The following MOV10 variants were observed in gnomAD, a reference collection of about 807,000 sequenced individuals.
MOV10 encodes the protein RNA helicase MOV-10.
MOV10 carries 39 observed loss-of-function variants against 108.4 expected under a neutral mutation model. That is an observed-to-expected ratio of 0.36 (90% CI 0.28 to 0.47). The LOEUF is 0.47. Among genes scored for constraint, MOV10 ranks in the 20% least tolerant of loss-of-function variants. The probability of loss-of-function intolerance (pLI) is 1.00; values close to 1 mark genes in which losing one functional copy is unlikely to be tolerated. For missense variants in MOV10, 952 were observed against 1,297.6 expected (o/e 0.73, Z 4.09); for synonymous variants, 490 against 523.1 (o/e 0.94, Z 0.86).
intron 2 of MOV10, among the ~76,000 whole-genome samples, chr1:112,676,621 T>G (rs1672218662): frequency 6.6e-6 from 1 of 151,400 alleles, no homozygotes; most frequent in Non-Finnish European, 1.5e-5. Context: ...CTAAGAGGAG[T>G]CATAAAGAGT....
chr1:112,698,034 T>C lies in MOV10; in HGVS notation c.2239T>C (p.Tyr747His). The C allele has an allele frequency of 1.9e-6, 3 of 1,614,176 alleles. No homozygotes were observed. The highest frequency in any genetic ancestry group is 2.5e-6 in the Non-Finnish European group (3 of 1,180,018). ...CCTGGACATTCCTAACCAGCTCTAT[T>C]ATGAAGGGGAGCTGCAGGCCTGTGC... ...TILDIPNQLY[Y>H]EGELQACADV... Residue 747 changes from tyrosine to histidine, a missense_variant, in exon 15 of 21, where the codon TAT becomes CAT. This residue lies in a region of MOV10 where 453 missense variants were observed against 611.5 expected (regional missense o/e 0.74). Coordinates refer to ENST00000369645, the MANE Select transcript of MOV10 (RefSeq NM_001321324.2).
Position 112,698,099 on chromosome 1 carries a change from C to T in MOV10, c.2304C>T (p.Gly768=), listed in dbSNP as rs992595522. The T allele has an allele frequency of 1.2e-6, 2 of 1,614,004 alleles. No homozygotes were observed. The highest frequency in any genetic ancestry group is 1.7e-4 in the Middle Eastern group (1 of 6,054). The part of the protein sequence containing the change: ...VDRERFCRWA[G]LPRQGFPIIF... Reference sequence around the variant, plus strand: ...GAGAACGCTTCTGCCGCTGGGCGGGCCTACCTCGACAGGTGAGGCTGAGCA... The same window carrying T: ...GAGAACGCTTCTGCCGCTGGGCGGGTCTACCTCGACAGGTGAGGCTGAGCA... The change falls in exon 15 of 21, where the codon GGC becomes GGT. Residue 768 remains glycine (G), a synonymous_variant. Transcript: ENST00000369645.
intron 5 of MOV10, 151 bp downstream of exon 5, chr1:112,690,249 G>A: frequency 2.0e-6 from 2 of 1,000,378 alleles, no homozygotes; most frequent in Non-Finnish European, 2.9e-6. Context: ...TGTCAAGGAA[G>A]AAAGTTGCAG....
At chr1:112,679,065 A>G (rs1399556816) in intron 2 of MOV10, among the ~76,000 whole-genome samples, 1 of 152,118 alleles carries the variant, frequency 6.6e-6, no homozygotes, top group Non-Finnish European at 1.5e-5. Flanking sequence ...CATAGTCTAT[A>G]GATTGTGAAA....
chr1:112,694,678 A>C lies in MOV10; in HGVS notation c.1472+49A>C. The C allele has an allele frequency of 1.9e-6, 3 of 1,593,280 alleles. No individual in the cohort carries two copies. Among genetic ancestry groups the C allele is most frequent in the Non-Finnish European group, 2.6e-6 (3 of 1,167,490 alleles). On this transcript the variant is annotated intron_variant, in intron 9 of 20. Coordinates refer to ENST00000369645, the MANE Select transcript of MOV10 (RefSeq NM_001321324.2). The surrounding 1 kb of genome is among the most constrained non-coding windows in gnomAD (Gnocchi z 4.1). The stretch of plus-strand genomic sequence containing the variant: ...CTGGAGCCACTTGGAGTGTGGGCAC[A>C]GGGGGTGGAGTCAGGGAGGCCTCTG...
chr1:112,699,733 A>G lies in MOV10; in HGVS notation c.2632A>G (p.Ile878Val), dbSNP rs773433668. 1.2e-6 allele frequency: 2 copies of G among 1,614,058 alleles called. No individual in the cohort carries two copies. The highest frequency in any genetic ancestry group is 1.7e-6 in the Non-Finnish European group (2 of 1,179,934). ...FQGQERSVILISTVRSSQSFV... is the reference protein window; with the variant it reads ...FQGQERSVILVSTVRSSQSFV... ...AGGCCAAGAACGAAGCGTCATCCTC[A>G]TCTCCACCGTGCGAAGCAGCCAGAG... is the stretch of plus-strand genomic sequence containing the variant. Residue 878 changes from isoleucine to valine, a missense_variant, in exon 18 of 21, where the codon ATC becomes GTC. Physicochemically the swap from Ile to Val is conservative, Grantham distance 29. Coordinates refer to ENST00000369645, the MANE Select transcript of MOV10 (RefSeq NM_001321324.2).
Position 112,688,997 on chromosome 1 carries a change from C to G in MOV10, c.200C>G (p.Ala67Gly), listed in dbSNP as rs1557758951. ...TATGGAATGAAGATTGCAAATCTGGCCTACGTCACCAAGACTCGGGTCAGG... is the reference window on the plus strand; with the variant it reads ...TATGGAATGAAGATTGCAAATCTGGGCTACGTCACCAAGACTCGGGTCAGG... ...MLYGMKIANL[A>G]YVTKTRVRFF... Residue 67 changes from alanine to glycine, a missense_variant, in exon 3 of 21, where the codon GCC becomes GGC. Ala to Gly is a moderately conservative substitution (Grantham distance 60). Transcript: ENST00000369645. The G allele has an allele frequency of 4.3e-6, 7 of 1,612,594 alleles. No individual in the cohort carries two copies. Among genetic ancestry groups the G allele is most frequent in the Non-Finnish European group, 5.9e-6 (7 of 1,180,034 alleles).
At chr1:112,688,124 G>A (rs1173864049) in intron 2 of MOV10, among the ~76,000 whole-genome samples, 1 of 152,004 alleles carries the variant, frequency 6.6e-6, no homozygotes, top group Non-Finnish European at 1.5e-5. Flanking sequence ...CAAGCACCAC[G>A]CTGGAATGTA....
rs894328340 is a variant in MOV10, at chr1:112,675,129, G to A, written c.137+80G>A. The stretch of plus-strand genomic sequence containing the variant: ...CCCCCGCGCGAGGGCCACCTTTCCC[G>A]CCCCGGGGCGCAGAGGGACGCAGCT... On this transcript the variant is annotated intron_variant, in intron 2 of 20. Transcript: ENST00000369645. The surrounding 1 kb of genome is among the most constrained non-coding windows in gnomAD (Gnocchi z 4.7). The A allele has an allele frequency of 1.4e-5, 22 of 1,523,134 alleles. No individual in the cohort carries two copies. Among genetic ancestry groups the A allele is most frequent in the Non-Finnish European group, 1.9e-5 (21 of 1,130,510 alleles). The allele number at this position is 1,523,134 out of a possible 1,614,324, so 94.4% of individuals were successfully genotyped here.
At chr1:112,679,984 A>G (rs1465536218) in intron 2 of MOV10, among the ~76,000 whole-genome samples, 1 of 152,130 alleles carries the variant, frequency 6.6e-6, no homozygotes, top group Non-Finnish European at 1.5e-5. Flanking sequence ...CTTGCCTACA[A>G]GTACAAGGGT....
chr1:112,690,130 GGCTCGTATCT>G, intron 5 of MOV10, 32 bp downstream of exon 5: 1 of 1,605,556 alleles, frequency 6.2e-7, no homozygotes, highest in Non-Finnish European at 8.5e-7. Flanking sequence ...GCCCTGGCTG[GGCTCGTATCT>G]CAACCACATG....
chr1:112,682,119 T>C (rs1557752615), intron 2 of MOV10, among the ~76,000 whole-genome samples: 2 of 152,194 alleles, frequency 1.3e-5, no homozygotes, highest in Non-Finnish European at 2.9e-5. Context: ...GGTCTTGAAC[T>C]CCTGACCTCA....
intron 2 of MOV10, among the ~76,000 whole-genome samples, chr1:112,683,628 T>C (rs1672835864): frequency 6.6e-6 from 1 of 152,046 alleles, no homozygotes; most frequent in South Asian, 2.1e-4. Flanking sequence ...CATGATCCGC[T>C]GTGCCTGGCC....
Position 112,698,444 on chromosome 1 carries a change from G to C in MOV10, c.2474G>C (p.Arg825Pro). 1 of 1,614,120 alleles carries C rather than the reference G, an allele frequency of 6.2e-7. No individual in the cohort carries two copies. The highest frequency in any genetic ancestry group is 2.2e-5 in the East Asian group (1 of 44,876). Residue 825 changes from arginine to proline, a missense_variant, in exon 16 of 21, where the codon CGA becomes CCA. Physicochemically the swap from Arg to Pro is moderately radical, Grantham distance 103 (BLOSUM62 -2). Transcript: ENST00000369645. ...AAGGGCAAAGCTCGCCTGAGCCCTCGAAGTGTGGGCGTCATCTCCCCGTAC... is the reference window on the plus strand; with the variant it reads ...AAGGGCAAAGCTCGCCTGAGCCCTCCAAGTGTGGGCGTCATCTCCCCGTAC... Reference protein sequence around the residue: ...SKKGKARLSPRSVGVISPYRK... With the variant: ...SKKGKARLSPPSVGVISPYRK...
At chr1:112,697,406 G>A (rs1674202916) in intron 14 of MOV10, among the ~76,000 whole-genome samples, 2 of 152,154 alleles carry the variant, frequency 1.3e-5, no homozygotes, top group Admixed American at 1.3e-4. Flanking sequence ...GGAGGCAGAG[G>A]TTGCAGTGAG....
intron 2 of MOV10, among the ~76,000 whole-genome samples, chr1:112,682,260 G>A (rs1028886502): frequency 6.6e-6 from 1 of 152,042 alleles, no homozygotes; most frequent in African/African-American, 2.4e-5. Flanking sequence ...GTCTTGCTCC[G>A]TTGTCAAGAC....
At chr1:112,682,684 A>G (rs1036130550) in intron 2 of MOV10, among the ~76,000 whole-genome samples, 2 of 152,118 alleles carry the variant, frequency 1.3e-5, no homozygotes, top group Non-Finnish European at 2.9e-5. Context: ...TTTTTTCATG[A>G]CAGTACCTGT....
At chr1:112,691,362 A>G (rs992250554) in intron 5 of MOV10, among the ~76,000 whole-genome samples, 1 of 152,178 alleles carries the variant, frequency 6.6e-6, no homozygotes, top group African/African-American at 2.4e-5. Context: ...TATAACAGAA[A>G]CTTACAGGGA....
chr1:112,682,369 G>A (rs1233472933), intron 2 of MOV10, among the ~76,000 whole-genome samples: 2 of 152,066 alleles, frequency 1.3e-5, no homozygotes, highest in Non-Finnish European at 2.9e-5. Flanking sequence ...GACCATAGGC[G>A]TGTGCCACTA....
Sources: gnomAD v4.1 joint callset for allele counts (sites outside exome capture counted in the v4.1 genomes callset) on GRCh38, gnomAD v4.1.1 for gene constraint, gnomAD v4.1.1 regional missense constraint, Gnocchi (gnomAD v3.1) non-coding constraint, MANE v1.5 for transcripts, NCBI Gene and HGNC (gene_info 2026-07-23, HGNC 2026-07-21) for gene names.